The following PPARGC1A variants were observed in gnomAD, a reference collection of about 807,000 sequenced individuals.
The protein encoded by PPARGC1A is peroxisome proliferator-activated receptor gamma coactivator 1-alpha.
Under a neutral mutation model 88.7 loss-of-function variants are expected in PPARGC1A, and 25 were observed. The observed-to-expected ratio is 0.28, with a 90% CI of 0.21 to 0.39. The LOEUF is 0.39. Among genes scored for constraint, PPARGC1A ranks in the 10% least tolerant of loss-of-function variants. The probability of loss-of-function intolerance (pLI) is 1.00; values close to 1 mark genes in which losing one functional copy is unlikely to be tolerated. For synonymous variants in PPARGC1A, 363 were observed against 355.6 expected, an observed-to-expected ratio of 1.02 and a Z score of -0.24; for missense variants, 880 against 968.7, an observed-to-expected ratio of 0.91 and a Z score of 1.22.
At chr4:23,952,600 C>A in the PPARGC1A span, among the ~76,000 whole-genome samples, 1 of 151,948 alleles carries the variant, frequency 6.6e-6, no homozygotes, top group Non-Finnish European at 1.5e-5. Flanking sequence ...AGAGTTAAGT[C>A]CAGAGATATA....
At chr4:23,860,041 A>G (rs1173863006) in intron 2 of PPARGC1A, among the ~76,000 whole-genome samples, 2 of 151,958 alleles carry the variant, frequency 1.3e-5, no homozygotes, top group East Asian at 1.9e-4. Flanking sequence ...GGAACTCTAC[A>G]TGGGAGGATT....
chr4:24,371,937 C>T, the PPARGC1A span, among the ~76,000 whole-genome samples: 8 of 151,432 alleles, frequency 5.3e-5, no homozygotes, highest in Admixed American at 1.3e-4. Context: ...GGTAACAGAC[C>T]AAGACTCTGT....
At chr4:23,867,196 T>C (rs186731186) in intron 2 of PPARGC1A, among the ~76,000 whole-genome samples, 2 of 152,334 alleles carry the variant, frequency 1.3e-5, no homozygotes, top group Admixed American at 1.3e-4. Flanking sequence ...TCATGGTACT[T>C]CATTTCTGAC....
the PPARGC1A span, among the ~76,000 whole-genome samples, chr4:24,220,683 A>C: frequency 6.6e-6 from 1 of 152,210 alleles, no homozygotes; most frequent in Non-Finnish European, 1.5e-5. Flanking sequence ...TGGGTGCATA[A>C]GGACAGAAAG....
chr4:24,122,457 AGAG>A, the PPARGC1A span, among the ~76,000 whole-genome samples: 350 of 150,014 alleles, frequency 2.3e-3, 5 homozygotes, highest in East Asian at 0.044. Context: ...AGAGAGAGAG[AGAG>A]ATCTATATAA....
chr4:24,410,095 G>A, the PPARGC1A span, among the ~76,000 whole-genome samples: 8 of 152,168 alleles, frequency 5.3e-5, no homozygotes, highest in African/African-American at 1.9e-4. Context: ...CCAAGTATCC[G>A]TAACTGAAGC....
chr4:23,850,964 A>G (rs1436495414), intron 2 of PPARGC1A, among the ~76,000 whole-genome samples: 8 of 152,174 alleles, frequency 5.3e-5, no homozygotes, highest in African/African-American at 1.2e-4. Context: ...TATTTTCAAG[A>G]TCTCTTTGGG....
At chr4:24,028,211 T>C in the PPARGC1A span, among the ~76,000 whole-genome samples, 1 of 152,152 alleles carries the variant, frequency 6.6e-6, no homozygotes, top group South Asian at 2.1e-4. Context: ...TGCCACAGGG[T>C]TTGGAAATAA....
the PPARGC1A span, among the ~76,000 whole-genome samples, chr4:24,357,731 CATAGTAGTGA>C: frequency 6.6e-6 from 1 of 152,188 alleles, no homozygotes; most frequent in Non-Finnish European, 1.5e-5. Flanking sequence ...ATACCATTCT[CATAGTAGTGA>C]ATAAGTCTCA....
the PPARGC1A span, among the ~76,000 whole-genome samples, chr4:24,109,298 TAC>T: frequency 0.16 from 21,701 of 131,558 alleles, 1,769 homozygotes; most frequent in Non-Finnish European, 0.19. Context: ...CATTTCATTA[TAC>T]ACACACACAC....
rs903001879 is a variant in PPARGC1A, at chr4:23,794,738, T to C, written c.*1084A>G. The C allele has an allele frequency of 6.6e-6, 1 of 152,548 alleles. No homozygotes were observed. 9.4% of individuals were successfully genotyped at this position (152,548 alleles called of 1,614,324 possible). ...AAATAAAAATACTCCATTTAACATC[T>C]GTAAATACTTAACTACATCAGAGAA... On this transcript the variant is annotated 3_prime_UTR_variant, in exon 13 of 13. Coordinates refer to ENST00000264867, the MANE Select transcript of PPARGC1A (RefSeq NM_013261.5).
the PPARGC1A span, among the ~76,000 whole-genome samples, chr4:24,130,510 G>T: frequency 6.6e-6 from 1 of 152,062 alleles, no homozygotes; most frequent in Non-Finnish European, 1.5e-5. Flanking sequence ...ACAACACATT[G>T]AATTCCTATC....
At chr4:24,257,237 A>G in the PPARGC1A span, among the ~76,000 whole-genome samples, 1 of 152,268 alleles carries the variant, frequency 6.6e-6, no homozygotes, top group South Asian at 2.1e-4. Flanking sequence ...GAACTGGCCA[A>G]CAAATAGGGC....
chr4:24,220,731 G>C, the PPARGC1A span, among the ~76,000 whole-genome samples: 11 of 152,342 alleles, frequency 7.2e-5, no homozygotes, highest in South Asian at 1.2e-3. Flanking sequence ...AAAGGGGAAA[G>C]GGAGGGAGAC....
the PPARGC1A span, among the ~76,000 whole-genome samples, chr4:24,229,152 CT>C: frequency 0.013 from 821 of 60,916 alleles, 53 homozygotes; most frequent in Non-Finnish European, 0.015. Flanking sequence ...GTATCTGGAC[CT>C]TTTTTTTTTT....
the PPARGC1A span, among the ~76,000 whole-genome samples, chr4:24,173,666 C>T: frequency 1.3e-5 from 2 of 152,338 alleles, no homozygotes; most frequent in South Asian, 4.1e-4. Flanking sequence ...CATATTACAG[C>T]ACAATGGTTG....
chr4:24,108,075 T>C, the PPARGC1A span, among the ~76,000 whole-genome samples: 123 of 152,300 alleles, frequency 8.1e-4, 1 homozygote, highest in African/African-American at 2.9e-3. Context: ...CAAGGAGAAT[T>C]TGAGGATGCA....
At chr4:24,236,897 A>G in the PPARGC1A span, among the ~76,000 whole-genome samples, 3 of 152,242 alleles carry the variant, frequency 2.0e-5, no homozygotes, top group East Asian at 5.8e-4. Flanking sequence ...GACATGAAGA[A>G]GCGGGACTGG....
intron 2 of PPARGC1A, among the ~76,000 whole-genome samples, chr4:23,865,687 C>T (rs927079203): frequency 1.3e-5 from 2 of 152,148 alleles, no homozygotes; most frequent in Admixed American, 6.5e-5. Context: ...TGGCATAACA[C>T]CTTGCACATA....
Sources: gnomAD v4.1 joint callset for allele counts (sites outside exome capture counted in the v4.1 genomes callset) on GRCh38, gnomAD v4.1.1 for gene constraint, MANE v1.5 for transcripts, NCBI Gene and HGNC (gene_info 2026-07-23, HGNC 2026-07-21) for gene names.